KCTD16: variants seen among roughly 807,000 people sequenced by gnomAD.
KCTD16 encodes the protein BTB/POZ domain-containing protein KCTD16.
A neutral mutation model predicts 33.2 loss-of-function variants in KCTD16; 13 were observed. That is an observed-to-expected ratio of 0.39 (90% confidence interval 0.25 to 0.62). The LOEUF is 0.62. Ranked by LOEUF, KCTD16 falls within the 20% of genes least tolerant of loss-of-function variation. The probability of loss-of-function intolerance (pLI) is 0.50; values close to 1 mark genes in which losing one functional copy is unlikely to be tolerated. For synonymous variants in KCTD16, 197 were observed against 195.3 expected, an observed-to-expected ratio of 1.01 and a Z score of -0.07; for missense variants, 441 against 525.1, an observed-to-expected ratio of 0.84 and a Z score of 1.57.
chr5:144,262,559 T>A (rs1204324954), intron 3 of KCTD16, among the ~76,000 whole-genome samples: 1 of 152,242 alleles, frequency 6.6e-6, no homozygotes, highest in African/African-American at 2.4e-5. Context: ...TCCTATACCT[T>A]ATAACCACTT....
intron 3 of KCTD16, among the ~76,000 whole-genome samples, chr5:144,437,976 G>T (rs1753616784): frequency 6.6e-6 from 1 of 152,252 alleles, no homozygotes. Context: ...AAACTGTCCA[G>T]TAGATTTCAA....
intron 3 of KCTD16, among the ~76,000 whole-genome samples, chr5:144,341,335 G>A (rs950058712): frequency 5.3e-5 from 8 of 152,070 alleles, no homozygotes; most frequent in Non-Finnish European, 1.2e-4. Context: ...TGCTCACTTG[G>A]GGAGAAACAG....
At chr5:144,304,423 G>A (rs1469188633) in intron 3 of KCTD16, among the ~76,000 whole-genome samples, 1 of 152,034 alleles carries the variant, frequency 6.6e-6, no homozygotes, top group African/African-American at 2.4e-5. Flanking sequence ...AATCTGGGAA[G>A]CACCTAGAGG....
At chr5:144,423,126 C>G (rs1359721590) in intron 3 of KCTD16, among the ~76,000 whole-genome samples, 1 of 151,974 alleles carries the variant, frequency 6.6e-6, no homozygotes, top group Non-Finnish European at 1.5e-5. Context: ...TGAGAATGAG[C>G]ATGGAATGTT....
chr5:144,177,809 G>T (rs1752538257), intron 2 of KCTD16, among the ~76,000 whole-genome samples: 1 of 152,128 alleles, frequency 6.6e-6, no homozygotes, highest in East Asian at 1.9e-4. Context: ...TCTTTTGGGG[G>T]GATGTACAGT....
intron 2 of KCTD16, among the ~76,000 whole-genome samples, chr5:144,199,872 A>G (rs1753010230): frequency 6.6e-6 from 1 of 151,604 alleles, no homozygotes; most frequent in Admixed American, 6.6e-5. Flanking sequence ...GTACCATCAC[A>G]CCCGACTAAT....
Position 144,207,376 on chromosome 5 carries a change from G to A in KCTD16, c.662G>A (p.Arg221Lys), listed in dbSNP as rs1435284361. The A allele has an allele frequency of 4.3e-6, 7 of 1,614,222 alleles. No individual in the cohort carries two copies. Among genetic ancestry groups the A allele is most frequent in the South Asian group, 1.1e-5 (1 of 91,084 alleles). ...ESRDPDRAPE[R>K]YTSRFYLKFK... is the part of the protein sequence containing the mutation. ...AGAGACCCTGATCGAGCCCCAGAAA[G>A]ATACACCTCCAGATTTTATCTCAAA... The change falls in exon 3 of 4, where the codon AGA becomes AAA. Residue 221 changes from arginine (R) to lysine (K), a missense_variant. Arg to Lys is a conservative substitution (Grantham distance 26). Around this residue, in one of 3 missense-constraint regions of KCTD16, gnomAD observed 355 missense variants for 413.0 expected, o/e 0.86. Coordinates refer to ENST00000512467, the MANE Select transcript of KCTD16 (RefSeq NM_020768.4).
chr5:144,333,586 C>G (rs1752409647), intron 3 of KCTD16, among the ~76,000 whole-genome samples: 1 of 152,126 alleles, frequency 6.6e-6, no homozygotes, highest in South Asian at 2.1e-4. Flanking sequence ...GTGTGTCTTT[C>G]TGTGTATTTG....
chr5:144,405,521 C>A (rs1311380082), intron 3 of KCTD16, among the ~76,000 whole-genome samples: 2 of 152,166 alleles, frequency 1.3e-5, no homozygotes, highest in Non-Finnish European at 2.9e-5. Context: ...GTAAAATAAA[C>A]CTTTATTGTG....
At chr5:144,203,191 C>A (rs371975347) in intron 2 of KCTD16, among the ~76,000 whole-genome samples, 3 of 151,904 alleles carry the variant, frequency 2.0e-5, no homozygotes, top group South Asian at 2.1e-4. Context: ...TCAGAATATT[C>A]TTCTTTTATA....
intron 3 of KCTD16, among the ~76,000 whole-genome samples, chr5:144,335,483 G>A (rs1027640270): frequency 3.9e-5 from 6 of 152,266 alleles, no homozygotes; most frequent in Middle Eastern, 3.4e-3. Flanking sequence ...AAAGATGCAA[G>A]GGGTAGAAAA....
At chr5:144,232,991 T>A (rs1754149362) in intron 3 of KCTD16, among the ~76,000 whole-genome samples, 1 of 152,164 alleles carries the variant, frequency 6.6e-6, no homozygotes, top group South Asian at 2.1e-4. Flanking sequence ...GAGTCTCATG[T>A]TGCTCGTGGA....
chr5:144,298,748 A>G (rs944428948), intron 3 of KCTD16, among the ~76,000 whole-genome samples: 1 of 151,972 alleles, frequency 6.6e-6, no homozygotes, highest in Non-Finnish European at 1.5e-5. Flanking sequence ...CGACTGAGAA[A>G]TATCTGAAAC....
chr5:144,330,406 T>G (rs1412786330), intron 3 of KCTD16, among the ~76,000 whole-genome samples: 1 of 81,468 alleles, frequency 1.2e-5, no homozygotes, highest in African/African-American at 4.9e-5. Context: ...AGAGCGAAAC[T>G]CCATCAAAAA....
intron 3 of KCTD16, among the ~76,000 whole-genome samples, chr5:144,304,784 G>A (rs1485708434): frequency 6.6e-6 from 1 of 152,044 alleles, no homozygotes; most frequent in Non-Finnish European, 1.5e-5. Context: ...TGTCCTGAAG[G>A]TAAGGAGGGA....
chr5:144,195,678 T>G (rs1752926719), intron 2 of KCTD16, among the ~76,000 whole-genome samples: 2 of 152,240 alleles, frequency 1.3e-5, no homozygotes, highest in African/African-American at 2.4e-5. Flanking sequence ...AAAATATTTC[T>G]GAGATCATCA....
intron 3 of KCTD16, among the ~76,000 whole-genome samples, chr5:144,437,111 A>G (rs890155884): frequency 2.0e-5 from 3 of 152,122 alleles, no homozygotes; most frequent in Admixed American, 6.6e-5. Context: ...CAGGTCCTCA[A>G]CAGGCTAGGC....
At chr5:144,314,936 C>A (rs1201878925) in intron 3 of KCTD16, among the ~76,000 whole-genome samples, 3 of 152,158 alleles carry the variant, frequency 2.0e-5, no homozygotes, top group Non-Finnish European at 2.9e-5. Context: ...CCTGCTGAAG[C>A]TTCAGTAGAG....
At chr5:144,376,970 G>A (rs1174659125) in intron 3 of KCTD16, among the ~76,000 whole-genome samples, 2 of 152,114 alleles carry the variant, frequency 1.3e-5, no homozygotes, top group Non-Finnish European at 2.9e-5. Context: ...GAAACCCAGC[G>A]GACTATTCCT....
Sources: allele counts gnomAD v4.1 joint callset (sites outside exome capture counted in the v4.1 genomes callset), GRCh38; gene constraint gnomAD v4.1.1; regional missense constraint gnomAD v4.1.1; transcripts MANE v1.5; gene names NCBI Gene and HGNC (gene_info 2026-07-23, HGNC 2026-07-21).